TENM4: variants seen among roughly 807,000 people sequenced by gnomAD.
The protein encoded by TENM4 is teneurin transmembrane protein 4.
In TENM4, 82 loss-of-function variants were observed where a neutral mutation model predicts 243.3. The ratio of observed to expected loss-of-function variants is 0.34; its 90% confidence interval spans 0.28 to 0.40. The LOEUF (loss-of-function observed/expected upper bound fraction) is 0.40, where lower values mean the gene tolerates loss of function less well. Among genes scored for constraint, TENM4 ranks in the 10% least tolerant of loss-of-function variants. The pLI is 1.00. For synonymous variants in TENM4, 1,412 were observed against 1,456.3 expected, an observed-to-expected ratio of 0.97 and a Z score of 0.69; for missense variants, 3,138 against 3,673.3, an observed-to-expected ratio of 0.85 and a Z score of 3.77.
intron 4 of TENM4, among the ~76,000 whole-genome samples, chr11:79,144,797 A>G (rs770333325): frequency 6.6e-6 from 1 of 152,044 alleles, no homozygotes; most frequent in Non-Finnish European, 1.5e-5. Context: ...GGTAGTGAGC[A>G]TGGGGAAGTG....
intron 1 of TENM4, among the ~76,000 whole-genome samples, chr11:79,376,242 TGGAG>T (rs1484106703): frequency 2.6e-5 from 4 of 152,184 alleles, no homozygotes; most frequent in East Asian, 3.9e-4. Flanking sequence ...CCTATGTGGA[TGGAG>T]GGATATGAGG....
intron 1 of TENM4, among the ~76,000 whole-genome samples, chr11:79,413,025 C>T (rs1858734832): frequency 6.6e-6 from 1 of 152,220 alleles, no homozygotes; most frequent in Non-Finnish European, 1.5e-5. Flanking sequence ...GCATTAGTTA[C>T]AGCATGTCCT....
intron 1 of TENM4, among the ~76,000 whole-genome samples, chr11:79,406,951 G>C (rs1360496860): frequency 6.6e-6 from 1 of 152,124 alleles, no homozygotes; most frequent in Admixed American, 6.5e-5. Context: ...AGTAATTATT[G>C]ACAATCTACT....
At chr11:79,320,071 G>A (rs527508582) in intron 1 of TENM4, among the ~76,000 whole-genome samples, 1 of 152,240 alleles carries the variant, frequency 6.6e-6, no homozygotes, top group Admixed American at 6.5e-5. Flanking sequence ...GTAGAGCATG[G>A]AGAGCCCAGA....
intron 6 of TENM4, among the ~76,000 whole-genome samples, chr11:79,034,509 A>AT (rs531459830): frequency 3.3e-5 from 5 of 152,134 alleles, no homozygotes; most frequent in African/African-American, 9.7e-5. Context: ...CTTTCTAGGA[A>AT]TTTTTTTTAA....
chr11:79,070,180 C>G (rs955243376), intron 4 of TENM4, among the ~76,000 whole-genome samples, 171 bp from the exon 5 acceptor site: 3 of 152,206 alleles, frequency 2.0e-5, no homozygotes, highest in Non-Finnish European at 4.4e-5. Flanking sequence ...AAGTCGCACC[C>G]AGGACCTCTA....
At chr11:79,358,359 C>A (rs1477794156) in intron 1 of TENM4, among the ~76,000 whole-genome samples, 2 of 152,156 alleles carry the variant, frequency 1.3e-5, no homozygotes, top group East Asian at 1.9e-4. Flanking sequence ...GATTATCAGG[C>A]GGCTTATGAG....
chr11:79,438,178 G>A lies in TENM4; in HGVS notation c.-321+2331C>T, dbSNP rs935434727. On this transcript the variant is annotated intron_variant, in intron 1 of 33. Transcript: ENST00000278550. The surrounding 1 kb of genome is among the most constrained non-coding windows in gnomAD (Gnocchi z 4.1). ...TGCGGGCTGGGGGGAAGGGAGTTCA[G>A]GGCCAATGTGTCCCAGACTTCAGCG... Among the ~76,000 whole-genome samples, 1 of 152,114 alleles carries A rather than the reference G, an allele frequency of 6.6e-6. No individual in the cohort carries two copies. Among genetic ancestry groups the A allele is most frequent in the African/African-American group, 2.4e-5 (1 of 41,430 alleles).
At chr11:78,661,386 G>A in intron 33 of TENM4, 63 bp downstream of exon 33, 1 of 1,560,290 alleles carries the variant, frequency 6.4e-7, no homozygotes, top group Non-Finnish European at 8.7e-7. Context: ...CTGAAAAGCT[G>A]AAGGGACCCC....
At chr11:79,362,388 AG>A (rs1857605663) in intron 1 of TENM4, among the ~76,000 whole-genome samples, 1 of 152,250 alleles carries the variant, frequency 6.6e-6, no homozygotes, top group Admixed American at 6.5e-5. Context: ...ACACGGAAAT[AG>A]GATGCTCTAA....
chr11:78,982,136 C>T (rs1383741359), intron 6 of TENM4, among the ~76,000 whole-genome samples: 10 of 152,162 alleles, frequency 6.6e-5, no homozygotes, highest in African/African-American at 2.2e-4. Context: ...GAGAGGGTGG[C>T]ATCCTCAGTC....
At chr11:78,830,414 T>C (rs1283685430) in intron 12 of TENM4, among the ~76,000 whole-genome samples, 4 of 152,150 alleles carry the variant, frequency 2.6e-5, no homozygotes, top group Non-Finnish European at 5.9e-5. Context: ...TGTTGGCTGT[T>C]AAACTGAGGG....
intron 4 of TENM4, among the ~76,000 whole-genome samples, chr11:79,119,987 T>C (rs982722525): frequency 6.6e-6 from 1 of 152,180 alleles, no homozygotes; most frequent in African/African-American, 2.4e-5. Flanking sequence ...CAGGCACTGC[T>C]CCCTGAATCC....
chr11:79,105,671 T>C (rs1188257094), intron 4 of TENM4, among the ~76,000 whole-genome samples: 1 of 152,186 alleles, frequency 6.6e-6, no homozygotes, highest in African/African-American at 2.4e-5. Context: ...TGCCTATGTC[T>C]TTCCCCCTTC....
In TENM4 at chr11:79,267,718, C is replaced by G. The variant is rs372808467; in HGVS notation, c.-265+29770G>C. On this transcript the variant is annotated intron_variant, in intron 2 of 33. Transcript: ENST00000278550. ...TATGACTAGCACTTAAGGCCAGTAT[C>G]TGGCACATAATAAATTCTTGATAAA... Among the ~76,000 whole-genome samples the G allele has an allele frequency of 3.3e-5, 5 of 152,200 alleles. No individual in the cohort carries two copies. The East Asian group carries it at 5.8e-4, about 18-fold the overall frequency.
chr11:78,946,606 G>T (rs1301125630), intron 6 of TENM4, among the ~76,000 whole-genome samples: 1 of 152,220 alleles, frequency 6.6e-6, no homozygotes, highest in East Asian at 1.9e-4. Context: ...AGCTGCCATA[G>T]ATAGTGATTC....
intron 3 of TENM4, among the ~76,000 whole-genome samples, chr11:79,213,797 T>C (rs1362085439): frequency 1.3e-5 from 2 of 152,020 alleles, no homozygotes; most frequent in Non-Finnish European, 2.9e-5. Context: ...TACAAGTGAG[T>C]ATGGTGAGGT....
At chr11:78,797,345 T>G (rs1007890200) in intron 15 of TENM4, among the ~76,000 whole-genome samples, 2 of 152,234 alleles carry the variant, frequency 1.3e-5, no homozygotes, top group African/African-American at 2.4e-5. Flanking sequence ...AAGAACAGTT[T>G]TTTTTTAAGA....
chr11:79,134,219 T>C (rs1240665120), intron 4 of TENM4, among the ~76,000 whole-genome samples: 1 of 152,050 alleles, frequency 6.6e-6, no homozygotes, highest in Non-Finnish European at 1.5e-5. Context: ...AAGTGGAGAA[T>C]AAAATCAGGA....
Sources: gnomAD v4.1 joint callset for allele counts (sites outside exome capture counted in the v4.1 genomes callset) on GRCh38, gnomAD v4.1.1 for gene constraint, Gnocchi (gnomAD v3.1) non-coding constraint, MANE v1.5 for transcripts, NCBI Gene and HGNC (gene_info 2026-07-23, HGNC 2026-07-21) for gene names.